FHIP1A: variants seen among roughly 807,000 people sequenced by gnomAD.
FHIP1A encodes FHF complex subunit HOOK interacting protein 1A, also known as FHF complex subunit HOOK-interacting protein 1A.
Under a neutral mutation model 88.6 loss-of-function variants are expected in FHIP1A, and 61 were observed. That is an observed-to-expected ratio of 0.69 (90% CI 0.56 to 0.85). The LOEUF (loss-of-function observed/expected upper bound fraction) is 0.85. Ranked by LOEUF, FHIP1A falls within the 40% of genes least tolerant of loss-of-function variation. The pLI is 0.00. For synonymous variants in FHIP1A, 478 were observed against 496.0 expected (o/e 0.96, Z 0.48); for missense variants, 1,154 against 1,273.5 (o/e 0.91, Z 1.43).
At chr4:151,558,735 G>C (rs1733055474) in intron 3 of FHIP1A, among the ~76,000 whole-genome samples, 1 of 152,176 alleles carries the variant, frequency 6.6e-6, no homozygotes, top group Non-Finnish European at 1.5e-5. Context: ...GAGAACCATT[G>C]AGGCTCCCTG....
At chr4:151,469,845 T>C (rs988591048) in intron 2 of FHIP1A, among the ~76,000 whole-genome samples, 3 of 152,206 alleles carry the variant, frequency 2.0e-5, no homozygotes, top group African/African-American at 7.2e-5. Flanking sequence ...GGATGTCGGG[T>C]CAGGAGACGG....
intron 2 of FHIP1A, among the ~76,000 whole-genome samples, chr4:151,465,180 G>A (rs1432346168): frequency 1.3e-5 from 2 of 152,172 alleles, no homozygotes; most frequent in Non-Finnish European, 2.9e-5. Context: ...GGGTGACAGA[G>A]TGAGGCCCTG....
At chr4:151,458,515 G>C (rs904388574) in intron 2 of FHIP1A, among the ~76,000 whole-genome samples, 6 of 152,014 alleles carry the variant, frequency 3.9e-5, no homozygotes, top group Admixed American at 6.6e-5. Context: ...TGTGGGTTTG[G>C]GGGTGGGGGT....
At chr4:151,469,882 C>G (rs1729450610) in intron 2 of FHIP1A, among the ~76,000 whole-genome samples, 1 of 152,150 alleles carries the variant, frequency 6.6e-6, no homozygotes, top group African/African-American at 2.4e-5. Context: ...GGTGGCATCA[C>G]CTCATTTTCA....
intron 2 of FHIP1A, among the ~76,000 whole-genome samples, chr4:151,478,507 A>T (rs1729787251): frequency 6.6e-6 from 1 of 152,156 alleles, no homozygotes. Context: ...TCTCATTATA[A>T]ATACTGCTTA....
intron 2 of FHIP1A, among the ~76,000 whole-genome samples, chr4:151,468,547 C>T (rs749640108): frequency 5.9e-5 from 9 of 152,178 alleles, no homozygotes; most frequent in Admixed American, 3.3e-4. Flanking sequence ...TTCACTCTTA[C>T]GTGAAGTCTC....
intron 7 of FHIP1A, among the ~76,000 whole-genome samples, chr4:151,606,777 T>G (rs1735090277): frequency 6.6e-6 from 1 of 152,236 alleles, no homozygotes; most frequent in East Asian, 1.9e-4. Flanking sequence ...TGTGGAACTT[T>G]GCCTGTTTCT....
chr4:151,516,149 T>C (rs1273898514), intron 3 of FHIP1A, among the ~76,000 whole-genome samples: 5 of 152,302 alleles, frequency 3.3e-5, no homozygotes, highest in Non-Finnish European at 2.9e-5. Flanking sequence ...TAACGCCGCA[T>C]GTCTACAACT....
At chr4:151,418,172 TAAAAAAA>T (rs1040622837) in intron 1 of FHIP1A, among the ~76,000 whole-genome samples, 1 of 77,930 alleles carries the variant, frequency 1.3e-5, no homozygotes, top group African/African-American at 5.1e-5. Context: ...AACCTATCTC[TAAAAAAA>T]AAAAAAAAAA....
intron 9 of FHIP1A, among the ~76,000 whole-genome samples, chr4:151,639,158 A>T (rs1360735896): frequency 6.6e-6 from 1 of 152,226 alleles, no homozygotes; most frequent in Non-Finnish European, 1.5e-5. Context: ...TTTGATATAT[A>T]ATTTCTATGA....
chr4:151,651,520 G>A (rs1022206298), intron 11 of FHIP1A, among the ~76,000 whole-genome samples: 1 of 152,162 alleles, frequency 6.6e-6, no homozygotes, highest in Non-Finnish European at 1.5e-5. Flanking sequence ...ATTGAGTCCT[G>A]GTTCTAGCAT....
rs984034048 is a variant in FHIP1A, at chr4:151,650,166, C to A, written c.2125C>A (p.Pro709Thr). 2.6e-6 allele frequency: 4 copies of A among 1,551,554 alleles called. No homozygotes were observed. The highest frequency in any genetic ancestry group is 3.5e-6 in the Non-Finnish European group (4 of 1,146,986). ...CAATTCAGACCCGTTTCACAGTGAG[C>A]CCAAGGAGCCAAAGCAAGAGAGGGA... The part of the protein sequence containing the change: ...RDNSDPFHSE[P>T]KEPKQEREPE... The change falls in exon 11 of 14, where the codon CCC (proline) becomes ACC (threonine). Residue 709 changes from proline to threonine, a missense_variant. Pro to Thr is a conservative substitution (Grantham distance 38). Coordinates refer to ENST00000435205, the MANE Select transcript of FHIP1A (RefSeq NM_001109977.3).
At chr4:151,443,412 C>T (rs961308163) in intron 1 of FHIP1A, among the ~76,000 whole-genome samples, 5 of 152,078 alleles carry the variant, frequency 3.3e-5, no homozygotes, top group Non-Finnish European at 5.9e-5. Flanking sequence ...AAGGGATCCT[C>T]CCGCCTCAGC....
intron 7 of FHIP1A, among the ~76,000 whole-genome samples, chr4:151,607,860 A>G (rs1362901370): frequency 2.6e-5 from 4 of 152,180 alleles, no homozygotes; most frequent in African/African-American, 9.7e-5. Flanking sequence ...AAAGTGAGAC[A>G]TCCTTCACAT....
intron 3 of FHIP1A, among the ~76,000 whole-genome samples, chr4:151,549,821 A>G (rs1732653884): frequency 6.6e-6 from 1 of 152,158 alleles, no homozygotes; most frequent in African/African-American, 2.4e-5. Context: ...CCTTAAAAAT[A>G]CATGTAGTAT....
intron 3 of FHIP1A, among the ~76,000 whole-genome samples, chr4:151,520,137 G>A (rs1196137054): frequency 2.6e-5 from 4 of 152,058 alleles, no homozygotes; most frequent in Non-Finnish European, 5.9e-5. Context: ...GTGGCCTGTT[G>A]CCACATGTCA....
chr4:151,528,194 G>C (rs913008306), intron 3 of FHIP1A, among the ~76,000 whole-genome samples: 2 of 152,086 alleles, frequency 1.3e-5, no homozygotes, highest in Non-Finnish European at 2.9e-5. Context: ...GTTGAGTAGT[G>C]GTCTGACGAA....
chr4:151,584,914 T>A (rs944002800), intron 5 of FHIP1A, among the ~76,000 whole-genome samples: 6 of 152,134 alleles, frequency 3.9e-5, no homozygotes, highest in Admixed American at 3.9e-4. Flanking sequence ...TATCACTTCT[T>A]CTGAGAATAT....
rs1220260902 is a variant in FHIP1A at position 151,669,909 on chromosome 4, T to C, written c.*7155T>C. On this transcript the variant is annotated 3_prime_UTR_variant, in exon 14 of 14. Transcript: ENST00000435205. Reference sequence around the variant, plus strand: ...CACTCTCAGGGAAGTCCTGAGGAACTGTGCAAGCCAGGAAGCATGAGTCGC... The same window carrying C: ...CACTCTCAGGGAAGTCCTGAGGAACCGTGCAAGCCAGGAAGCATGAGTCGC... 1 of 152,170 alleles carries C rather than the reference T, an allele frequency of 6.6e-6. No homozygotes were observed. Among genetic ancestry groups the C allele is most frequent in the East Asian group, 1.9e-4 (1 of 5,196 alleles). 9.4% of individuals were successfully genotyped at this position (152,170 alleles called of 1,614,324 possible).
Sources: allele counts gnomAD v4.1 joint callset (sites outside exome capture counted in the v4.1 genomes callset), GRCh38; gene constraint gnomAD v4.1.1; transcripts MANE v1.5; gene names NCBI Gene and HGNC (gene_info 2026-07-23, HGNC 2026-07-21).